SAXO3: variants seen among roughly 807,000 people sequenced by gnomAD.
The protein encoded by SAXO3 is stabilizer of axonemal microtubules 3.
the SAXO3 span, chr19:49,019,282 C>T: frequency 1.1e-5 from 14 of 1,235,444 alleles, 1 homozygote; most frequent in East Asian, 4.1e-4. Context: ...CCAAAAACAA[C>T]CTCCCTGGTT....
the SAXO3 span, chr19:49,019,740 G>GT: frequency 8.4e-7 from 1 of 1,192,224 alleles, no homozygotes; most frequent in South Asian, 1.8e-5. Flanking sequence ...GAGAGCCAGT[G>GT]TACTGCGCCC....
the SAXO3 span, chr19:49,018,251 C>T: frequency 3.8e-4 from 344 of 912,170 alleles, 1 homozygote; most frequent in Non-Finnish European, 4.8e-4. Context: ...ACAGGGCGGC[C>T]GCTGCGGGCC....
the SAXO3 span, chr19:49,020,313 A>T: frequency 1.2e-5 from 5 of 423,904 alleles, no homozygotes; most frequent in African/African-American, 8.2e-5. Flanking sequence ...AATCCGCTTT[A>T]TTTAGCCCCT....
At chr19:49,018,946 A>G in the SAXO3 span, 3 of 1,534,440 alleles carry the variant, frequency 2.0e-6, no homozygotes, top group Non-Finnish European at 2.6e-6. Context: ...CCCCGGTCGG[A>G]TACTGTGAAA....
At chr19:49,020,113 G>A in the SAXO3 span, 1 of 1,051,528 alleles carries the variant, frequency 9.5e-7, no homozygotes, top group Middle Eastern at 3.2e-4. Context: ...CCGTGGACTG[G>A]AGAGAAGGCG....
At chr19:49,018,250 C>T in the SAXO3 span, 2 of 904,402 alleles carry the variant, frequency 2.2e-6, no homozygotes, top group Non-Finnish European at 2.9e-6. Flanking sequence ...GACAGGGCGG[C>T]CGCTGCGGGC....
the SAXO3 span, chr19:49,019,290 G>A: frequency 8.3e-7 from 1 of 1,200,506 alleles, no homozygotes; most frequent in Non-Finnish European, 1.0e-6. Context: ...AACCTCCCTG[G>A]TTCCGCTCTG....
chr19:49,018,269 C>T, the SAXO3 span: 3 of 1,058,202 alleles, frequency 2.8e-6, no homozygotes, highest in South Asian at 9.6e-5. Flanking sequence ...GCCGTGGCTC[C>T]AGACCTGGGG....
At chr19:49,018,572 T>G in the SAXO3 span, among the ~76,000 whole-genome samples, 1 of 152,044 alleles carries the variant, frequency 6.6e-6, no homozygotes, top group East Asian at 1.9e-4. Context: ...TTTCGCTTCC[T>G]TGGGAAGGAG....
the SAXO3 span, chr19:49,020,454 C>G: frequency 2.5e-6 from 1 of 399,282 alleles, no homozygotes; most frequent in East Asian, 3.6e-5. Context: ...GCAGTTGGGC[C>G]TGGATCCAGG....
the SAXO3 span, chr19:49,018,921 C>T: frequency 5.2e-6 from 8 of 1,534,490 alleles, no homozygotes; most frequent in East Asian, 1.2e-4. Flanking sequence ...ATAGAGCTGG[C>T]GGCGGTCCAG....
the SAXO3 span, chr19:49,019,836 G>T: frequency 7.9e-7 from 1 of 1,260,998 alleles, no homozygotes; most frequent in Non-Finnish European, 1.1e-6. Context: ...AGAGACTCAC[G>T]TGAAGGAGCA....
chr19:49,018,957 G>A, the SAXO3 span: 5 of 1,534,278 alleles, frequency 3.3e-6, no homozygotes, highest in Non-Finnish European at 4.4e-6. Flanking sequence ...TACTGTGAAA[G>A]GCCGGCCAGA....
the SAXO3 span, chr19:49,018,865 C>G: frequency 6.5e-7 from 1 of 1,532,630 alleles, no homozygotes; most frequent in Non-Finnish European, 8.7e-7. Context: ...AGCGAGAGCC[C>G]GGCTTACTTG....
the SAXO3 span, chr19:49,018,428 A>C: frequency 9.6e-4 from 754 of 788,922 alleles, 1 homozygote; most frequent in Non-Finnish European, 1.2e-3. Context: ...CTGCACATTC[A>C]AACTCCTGCA....
chr19:49,019,700 A>C, the SAXO3 span: 19 of 1,202,886 alleles, frequency 1.6e-5, no homozygotes, highest in South Asian at 4.4e-5. Context: ...TGGGGCCCGA[A>C]GTATTCCGGG....
At chr19:49,018,519 C>T in the SAXO3 span, among the ~76,000 whole-genome samples, 1 of 152,094 alleles carries the variant, frequency 6.6e-6, no homozygotes, top group South Asian at 2.1e-4. Context: ...TACTTAACGT[C>T]CTGGAAACTG....
At chr19:49,018,481 C>T in the SAXO3 span, 2 of 468,546 alleles carry the variant, frequency 4.3e-6, no homozygotes, top group Non-Finnish European at 6.9e-6. Flanking sequence ...ACCCGGCACG[C>T]GTTGCCTGCG....
chr19:49,019,372 A>C, the SAXO3 span: 2 of 1,239,810 alleles, frequency 1.6e-6, no homozygotes, highest in Non-Finnish European at 2.0e-6. Context: ...TACCTCTCCC[A>C]ACTCCCACCT....
Sources: allele counts gnomAD v4.1 joint callset (sites outside exome capture counted in the v4.1 genomes callset), GRCh38; gene constraint gnomAD v4.1.1; transcripts MANE v1.5; gene names NCBI Gene and HGNC (gene_info 2026-07-23, HGNC 2026-07-21).